PTPRN2: variants seen among roughly 807,000 people sequenced by gnomAD.
PTPRN2 encodes the protein receptor-type tyrosine-protein phosphatase N2.
PTPRN2 carries 74 observed loss-of-function variants against 118.8 expected under a neutral mutation model. The ratio of observed to expected loss-of-function variants is 0.62; its 90% CI spans 0.52 to 0.76. PTPRN2 has a LOEUF of 0.76. PTPRN2 is among the 30% of genes least tolerant of loss of function. PTPRN2 has a pLI of 0.00. For missense variants in PTPRN2, 1,481 were observed against 1,394.4 expected (o/e 1.06, Z -0.99); for synonymous variants, 641 against 608.0 (o/e 1.05, Z -0.80).
At chr7:158,132,978 A>G (rs1355001156) in intron 9 of PTPRN2, among the ~76,000 whole-genome samples, 2 of 152,244 alleles carry the variant, frequency 1.3e-5, no homozygotes, top group Non-Finnish European at 2.9e-5. Flanking sequence ...ACTTGTACAA[A>G]GCAAAGCATC....
intron 6 of PTPRN2, among the ~76,000 whole-genome samples, chr7:158,140,931 T>A (rs1352268051): frequency 2.6e-5 from 4 of 152,312 alleles, no homozygotes; most frequent in African/African-American, 9.6e-5. Flanking sequence ...TCATAAAGGT[T>A]TATGTAAAAT....
At chr7:158,344,414 G>T (rs937648376) in intron 2 of PTPRN2, among the ~76,000 whole-genome samples, 1 of 152,172 alleles carries the variant, frequency 6.6e-6, no homozygotes, top group Non-Finnish European at 1.5e-5. Flanking sequence ...GCCTCCAGAA[G>T]AGGCAGCTCC....
At chr7:158,143,738 C>A (rs562426403) in intron 6 of PTPRN2, among the ~76,000 whole-genome samples, 1 of 152,174 alleles carries the variant, frequency 6.6e-6, no homozygotes, top group Non-Finnish European at 1.5e-5. Context: ...TGTCACGATT[C>A]GCAGGAAGTG....
chr7:157,597,696 A>G (rs566635708), intron 16 of PTPRN2, among the ~76,000 whole-genome samples: 15 of 152,304 alleles, frequency 9.8e-5, no homozygotes, highest in African/African-American at 3.6e-4. Flanking sequence ...ACCTGCTCCA[A>G]TGCCTAAGAC....
rs184561637 is a variant in PTPRN2, at chr7:158,061,992, G to A, written c.1723+19306C>T. Among the ~76,000 whole-genome samples the A allele has an allele frequency of 2.6e-5, 4 of 152,406 alleles. No homozygotes were observed. In the East Asian group the frequency reaches 7.7e-4, roughly 29 times the overall value. ...TGGTGTCCCACGAAGGCGGAGCTGGGCATGAGCACGGCCATGGTCCTGCTG... is the reference window on the plus strand; with the variant it reads ...TGGTGTCCCACGAAGGCGGAGCTGGACATGAGCACGGCCATGGTCCTGCTG... On this transcript the variant is annotated intron_variant, in intron 11 of 22. Coordinates refer to ENST00000389418, the MANE Select transcript of PTPRN2 (RefSeq NM_002847.5).
chr7:157,772,587 G>A (rs569790687), intron 12 of PTPRN2, among the ~76,000 whole-genome samples: 2 of 152,330 alleles, frequency 1.3e-5, no homozygotes, highest in East Asian at 1.9e-4. Context: ...TGACCTGGGC[G>A]AATCCTGCTG....
rs116044639 is a variant in PTPRN2 at position 158,156,696 on chromosome 7, G to A, written c.910+10235C>T. Among the ~76,000 whole-genome samples, 7 of 152,292 alleles carry A rather than the reference G, an allele frequency of 4.6e-5. No homozygotes were observed. The South Asian group carries it at 6.2e-4, about 14-fold the overall frequency. On this transcript the variant is annotated intron_variant, in intron 6 of 22. Coordinates refer to ENST00000389418, the MANE Select transcript of PTPRN2 (RefSeq NM_002847.5). ...CGAGCCCCCAGTTCCAGCCTGTGAC[G>A]CACTCACCCGTGGGAAGGGGAAAGG... is the stretch of plus-strand genomic sequence containing the variant.
intron 9 of PTPRN2, among the ~76,000 whole-genome samples, chr7:158,122,996 G>C (rs777948185): frequency 6.6e-5 from 10 of 152,156 alleles, no homozygotes; most frequent in Non-Finnish European, 1.5e-4. Flanking sequence ...ACCATGCTCT[G>C]TGCTTCTGCA....
intron 1 of PTPRN2, among the ~76,000 whole-genome samples, chr7:158,581,332 A>G (rs537871175): frequency 2.6e-5 from 4 of 152,310 alleles, no homozygotes; most frequent in Admixed American, 2.6e-4. Context: ...AATACATGTC[A>G]GTGAACATGG....
chr7:157,833,859 T>C (rs139679884), intron 12 of PTPRN2, among the ~76,000 whole-genome samples: 1 of 152,354 alleles, frequency 6.6e-6, no homozygotes, highest in Non-Finnish European at 1.5e-5. Flanking sequence ...GCATTGTGGC[T>C]TTCTGAGTCG....
intron 12 of PTPRN2, among the ~76,000 whole-genome samples, chr7:157,753,928 C>A (rs574670663): frequency 6.6e-6 from 1 of 152,268 alleles, no homozygotes; most frequent in East Asian, 1.9e-4. Context: ...CCCACACCTG[C>A]CACCAGGCCC....
At chr7:158,426,363 A>G (rs1485628757) in intron 2 of PTPRN2, among the ~76,000 whole-genome samples, 1 of 2,752 alleles carries the variant, frequency 3.6e-4, no homozygotes. Context: ...AAAGACGCAG[A>G]GTCCGAGACC....
At chr7:158,346,990 T>G (rs993172038) in intron 2 of PTPRN2, among the ~76,000 whole-genome samples, 1 of 152,258 alleles carries the variant, frequency 6.6e-6, no homozygotes, top group Non-Finnish European at 1.5e-5. Flanking sequence ...TTATTATATA[T>G]TTTGGATATT....
intron 14 of PTPRN2, among the ~76,000 whole-genome samples, chr7:157,655,836 G>A (rs534564607): frequency 2.0e-5 from 3 of 152,258 alleles, no homozygotes; most frequent in East Asian, 2.0e-4. Flanking sequence ...CCCTGGAAAA[G>A]GCCGCTGAAG....
chr7:157,593,344 T>C (rs567240865), intron 17 of PTPRN2, among the ~76,000 whole-genome samples: 1 of 152,162 alleles, frequency 6.6e-6, no homozygotes, highest in East Asian at 1.9e-4. Flanking sequence ...ATCGTGGTCA[T>C]TGAGTGTGGA....
intron 1 of PTPRN2, among the ~76,000 whole-genome samples, chr7:158,534,114 C>G (rs1383228579): frequency 7.7e-6 from 1 of 129,370 alleles, no homozygotes; most frequent in African/African-American, 2.8e-5. Flanking sequence ...CCACCCACGC[C>G]CTGGGCTCCG....
intron 12 of PTPRN2, among the ~76,000 whole-genome samples, chr7:157,895,813 G>A (rs889421389): frequency 6.6e-5 from 10 of 152,094 alleles, no homozygotes; most frequent in Non-Finnish European, 1.2e-4. Flanking sequence ...ATGTTTACGC[G>A]TGCCCACTCA....
chr7:158,423,705 T>A (rs555982875), intron 2 of PTPRN2, among the ~76,000 whole-genome samples: 4 of 151,610 alleles, frequency 2.6e-5, no homozygotes, highest in African/African-American at 9.7e-5. Flanking sequence ...GAGACGGGGT[T>A]TCACCACGTT....
At chr7:158,164,529 CGCGCACG>C (rs1450302808) in intron 6 of PTPRN2, among the ~76,000 whole-genome samples, 2 of 2,802 alleles carry the variant, frequency 7.1e-4, no homozygotes, top group East Asian at 0.029. Flanking sequence ...AGAGCGGGAG[CGCGCACG>C]TAGGGAAGGC....
Sources: gnomAD v4.1 joint callset for allele counts (sites outside exome capture counted in the v4.1 genomes callset) on GRCh38, gnomAD v4.1.1 for gene constraint, MANE v1.5 for transcripts, NCBI Gene and HGNC (gene_info 2026-07-23, HGNC 2026-07-21) for gene names.